NLGN1: variants seen among roughly 807,000 people sequenced by gnomAD.
NLGN1 encodes the protein neuroligin 1.
NLGN1 carries 12 observed loss-of-function variants against 65.5 expected under a neutral mutation model. The observed-to-expected ratio is 0.18, with a 90% CI of 0.12 to 0.30. The LOEUF is 0.30. Among genes scored for constraint, NLGN1 ranks in the 10% least tolerant of loss-of-function variants. The pLI is 1.00. For synonymous variants in NLGN1, 350 were observed against 359.5 expected (o/e 0.97, Z 0.30); for missense variants, 750 against 1,007.1 (o/e 0.74, Z 3.46).
chr3:173,896,395 TAG>T (rs1736362907), intron 4 of NLGN1, among the ~76,000 whole-genome samples: 1 of 152,260 alleles, frequency 6.6e-6, no homozygotes, highest in East Asian at 1.9e-4. Context: ...TTCTGGGAAG[TAG>T]AGTCTCTCCT....
chr3:173,842,991 G>T (rs1017630666), intron 4 of NLGN1, among the ~76,000 whole-genome samples: 2 of 152,200 alleles, frequency 1.3e-5, no homozygotes, highest in African/African-American at 4.8e-5. Flanking sequence ...TGGGCATCCA[G>T]GCGTTTCCAT....
chr3:174,081,135 T>G (rs908702884), intron 4 of NLGN1, among the ~76,000 whole-genome samples: 1 of 152,152 alleles, frequency 6.6e-6, no homozygotes, highest in African/African-American at 2.4e-5. Context: ...AGTCACGGAA[T>G]ACACTTACCC....
chr3:173,478,205 A>G (rs777623700), intron 2 of NLGN1, among the ~76,000 whole-genome samples: 6 of 152,236 alleles, frequency 3.9e-5, no homozygotes, highest in Non-Finnish European at 5.9e-5. Context: ...CATATACACT[A>G]TGGAGTAGTA....
At chr3:174,063,989 A>G (rs926971464) in intron 4 of NLGN1, among the ~76,000 whole-genome samples, 8 of 152,120 alleles carry the variant, frequency 5.3e-5, no homozygotes, top group African/African-American at 1.9e-4. Flanking sequence ...TAAAAATACA[A>G]AAATTAGCCA....
intron 3 of NLGN1, among the ~76,000 whole-genome samples, chr3:173,794,671 G>A (rs1245664422): frequency 6.6e-6 from 1 of 152,152 alleles, no homozygotes; most frequent in East Asian, 1.9e-4. Context: ...GTATCTGCAT[G>A]TAATAAAAAT....
rs1461343919 is a variant in NLGN1 at position 173,646,511 on chromosome 3, CA to C, written c.493+41421del. On this transcript the variant is annotated intron_variant, in intron 3 of 6. Transcript: ENST00000457714. ...AAGAAAAGATTTGAAGTGTTTCCAA[CA>C]CAAAAAATAATAAATGCTTGAGGTA... Among the ~76,000 whole-genome samples, 7 of 152,208 alleles carry C rather than the reference CA, an allele frequency of 4.6e-5. No homozygotes were observed. In the East Asian group the frequency reaches 1.4e-3, roughly 29 times the overall value.
chr3:173,471,962 TG>T (rs1224623632), intron 2 of NLGN1, among the ~76,000 whole-genome samples: 2 of 152,146 alleles, frequency 1.3e-5, no homozygotes, highest in Non-Finnish European at 2.9e-5. Context: ...AAGAAGATAA[TG>T]AATTCTAGAA....
At chr3:174,290,847 C>A (rs547225806), downstream of NLGN1, among the ~76,000 whole-genome samples, 1 of 150,180 alleles carries the variant, frequency 6.7e-6, no homozygotes, top group African/African-American at 2.4e-5. Flanking sequence ...CTTATCAGAA[C>A]AAAAAGAATA....
chr3:173,902,901 A>C (rs981598151), intron 4 of NLGN1, among the ~76,000 whole-genome samples: 1 of 152,148 alleles, frequency 6.6e-6, no homozygotes, highest in African/African-American at 2.4e-5. Context: ...AGCGAGGCTT[A>C]GTACTTGTAT....
At chr3:173,987,173 T>C (rs754916834) in intron 4 of NLGN1, among the ~76,000 whole-genome samples, 5 of 152,188 alleles carry the variant, frequency 3.3e-5, no homozygotes, top group Non-Finnish European at 7.3e-5. Context: ...ACTGCTACCA[T>C]TACCACTCTT....
chr3:174,014,780 A>G (rs1351801344), intron 4 of NLGN1, among the ~76,000 whole-genome samples: 3 of 152,138 alleles, frequency 2.0e-5, no homozygotes, highest in African/African-American at 7.2e-5. Flanking sequence ...GCTTATCTGT[A>G]AAAGGAACGT....
intron 3 of NLGN1, among the ~76,000 whole-genome samples, chr3:173,764,965 A>G (rs1778528557): frequency 6.6e-6 from 1 of 152,024 alleles, no homozygotes; most frequent in African/African-American, 2.4e-5. Flanking sequence ...ATTAGAAAGA[A>G]AATATTTTTA....
At chr3:173,677,536 A>C (rs1176976709) in intron 3 of NLGN1, among the ~76,000 whole-genome samples, 1 of 152,104 alleles carries the variant, frequency 6.6e-6, no homozygotes, top group Non-Finnish European at 1.5e-5. Context: ...ATCTATTTAA[A>C]CCAAGGCAGT....
At position 173,411,030 on chromosome 3, in the gene NLGN1, G is replaced by A. The variant is rs116237164; in HGVS notation, c.-390+12543G>A. 5.0e-3 allele frequency among the ~76,000 whole-genome samples: 769 copies of A among 152,304 alleles called. 6 individuals are homozygous for A. Among genetic ancestry groups the A allele is most frequent in the African/African-American group, 0.018 (735 of 41,562 alleles). On this transcript the variant is annotated intron_variant, in intron 1 of 6. Transcript: ENST00000457714. ...CACAGTTACAGCTCCGCTGGCATAG[G>A]CTACATATGGTCACTTGTTTTCTCA...
intron 4 of NLGN1, among the ~76,000 whole-genome samples, chr3:174,221,078 C>T (rs1738555101): frequency 1.3e-5 from 2 of 152,190 alleles, no homozygotes; most frequent in Non-Finnish European, 1.5e-5. Context: ...CACTGCAGCA[C>T]AGCAGATTAA....
At chr3:174,264,699 C>A (rs577465444) in intron 4 of NLGN1, among the ~76,000 whole-genome samples, 329 of 152,044 alleles carry the variant, frequency 2.2e-3, no homozygotes, top group African/African-American at 7.0e-3. Context: ...AGTCATTCTC[C>A]GTCCAGCTTT....
At chr3:173,508,308 T>C (rs554912279) in intron 2 of NLGN1, among the ~76,000 whole-genome samples, 2 of 152,204 alleles carry the variant, frequency 1.3e-5, no homozygotes, top group African/African-American at 2.4e-5. Flanking sequence ...AATGAGGTAA[T>C]AAATTAGGTT....
intron 3 of NLGN1, among the ~76,000 whole-genome samples, chr3:173,797,052 G>A (rs1714246574): frequency 6.6e-6 from 1 of 152,168 alleles, no homozygotes; most frequent in Admixed American, 6.6e-5. Context: ...GGGAGCTCTA[G>A]GCAGAGGTGG....
intron 4 of NLGN1, among the ~76,000 whole-genome samples, chr3:173,948,628 A>G (rs575584495): frequency 5.9e-5 from 9 of 152,320 alleles, no homozygotes; most frequent in African/African-American, 2.2e-4. Flanking sequence ...CATTCCATAG[A>G]CAGGGAGAAG....
Sources: allele counts gnomAD v4.1 joint callset (sites outside exome capture counted in the v4.1 genomes callset), GRCh38; gene constraint gnomAD v4.1.1; transcripts MANE v1.5; gene names NCBI Gene and HGNC (gene_info 2026-07-23, HGNC 2026-07-21).